Variants in CCDC178 observed in about 807,000 individuals in gnomAD.
CCDC178 encodes the protein coiled-coil domain containing 178.
A neutral mutation model predicts 117.4 loss-of-function variants in CCDC178; 126 were observed. That is an observed-to-expected ratio of 1.07 (90% CI 0.93 to 1.24). CCDC178 has a LOEUF of 1.24. CCDC178 is among the 50% of genes most tolerant of loss of function. The pLI is 0.00. For missense variants in CCDC178, 1,030 were observed against 986.9 expected, an observed-to-expected ratio of 1.04 and a Z score of -0.59; for synonymous variants, 283 against 313.4, an observed-to-expected ratio of 0.90 and a Z score of 1.02.
intron 18 of CCDC178, among the ~76,000 whole-genome samples, chr18:33,222,664 G>T (rs271426): frequency 0.16 from 24,428 of 151,852 alleles, 2,736 homozygotes; most frequent in African/African-American, 0.32. Context: ...GAATTTTGGG[G>T]GAACACAAAC....
chr18:32,989,880 A>G (rs2055351914), intron 21 of CCDC178, among the ~76,000 whole-genome samples: 1 of 152,164 alleles, frequency 6.6e-6, no homozygotes, highest in Admixed American at 6.5e-5. Flanking sequence ...TTATTCATAT[A>G]GATAATACAA....
At chr18:33,056,481 C>G (rs2056831868) in intron 21 of CCDC178, among the ~76,000 whole-genome samples, 1 of 152,068 alleles carries the variant, frequency 6.6e-6, no homozygotes, top group South Asian at 2.1e-4. Context: ...CATAAAATCA[C>G]CCCTATTAAA....
At chr18:33,260,550 T>C (rs1476609188) in intron 14 of CCDC178, among the ~76,000 whole-genome samples, 1 of 151,836 alleles carries the variant, frequency 6.6e-6, no homozygotes, top group Admixed American at 6.6e-5. Flanking sequence ...CTATAACAAA[T>C]ATATTTTATC....
Position 33,226,825 on chromosome 18 carries a change from G to T in CCDC178, c.1624C>A (p.Gln542Lys). ...ACCATTCCAGCAGCCACTTCACCTT[G>T]AGTGAGTTTTTTCAGGAATTCTTCT... ...GREEFLKKLT[Q>K]GEVAAGMVLQ... The change falls in exon 16 of 23, where the codon CAA becomes AAA. Residue 542 changes from glutamine (Q) to lysine (K), a missense_variant. Transcript: ENST00000383096. The T allele has an allele frequency of 6.2e-7, 1 of 1,600,946 alleles. No homozygotes were observed. Among genetic ancestry groups the T allele is most frequent in the Non-Finnish European group, 8.5e-7 (1 of 1,172,166 alleles).
At chr18:33,139,741 G>A (rs2058175054) in intron 20 of CCDC178, among the ~76,000 whole-genome samples, 1 of 152,176 alleles carries the variant, frequency 6.6e-6, no homozygotes. Context: ...AAAAGTTGCA[G>A]CCTCACGATG....
At chr18:33,339,214 T>C (rs760039878) in intron 9 of CCDC178, among the ~76,000 whole-genome samples, 3 of 152,012 alleles carry the variant, frequency 2.0e-5, no homozygotes, top group Non-Finnish European at 4.4e-5. Flanking sequence ...GTTTAAATTA[T>C]TCCCAAAGCA....
rs181105370 is a variant in CCDC178, at chr18:33,038,151, C to T, written c.2388+54610G>A. ...TATTACCAGAGCAAACTACTATAGA[C>T]ATTTTGTTTCTAAAAGTTTGAATTT... On this transcript the variant is annotated intron_variant, in intron 21 of 22. Coordinates refer to ENST00000383096, the MANE Select transcript of CCDC178 (RefSeq NM_001105528.4). 2.4e-3 allele frequency among the ~76,000 whole-genome samples: 361 copies of T among 151,950 alleles called. 3 individuals are homozygous for T. Among genetic ancestry groups the T allele is most frequent in the Middle Eastern group, 0.014 (4 of 294 alleles).
chr18:33,285,583 T>C (rs750812388), intron 12 of CCDC178, among the ~76,000 whole-genome samples: 1 of 152,050 alleles, frequency 6.6e-6, no homozygotes, highest in African/African-American at 2.4e-5. Flanking sequence ...AATAAAATCC[T>C]TGCAAATCAA....
chr18:33,220,522 G>T (rs1191411397), intron 18 of CCDC178, among the ~76,000 whole-genome samples: 1 of 151,970 alleles, frequency 6.6e-6, no homozygotes, highest in Non-Finnish European at 1.5e-5. Flanking sequence ...GTAGGTATTG[G>T]CATGCATGAG....
At chr18:33,351,744 GT>G (rs1393231894) in intron 7 of CCDC178, among the ~76,000 whole-genome samples, 1 of 151,944 alleles carries the variant, frequency 6.6e-6, no homozygotes, top group African/African-American at 2.4e-5. Flanking sequence ...GTAGAGATGG[GT>G]TTTGATTATG....
chr18:33,305,594 C>T (rs189484972), intron 11 of CCDC178, among the ~76,000 whole-genome samples: 21 of 152,240 alleles, frequency 1.4e-4, no homozygotes, highest in Admixed American at 1.1e-3. Flanking sequence ...CCTGCCAGTA[C>T]GTCTTTTGTG....
At chr18:33,320,109 A>AGAG (rs2062484425) in intron 11 of CCDC178, among the ~76,000 whole-genome samples, 1 of 152,228 alleles carries the variant, frequency 6.6e-6, no homozygotes, top group East Asian at 1.9e-4. Flanking sequence ...AATAAGAGCT[A>AGAG]TTTATGACAA....
intron 21 of CCDC178, among the ~76,000 whole-genome samples, chr18:33,012,245 G>T (rs1377375806): frequency 6.6e-6 from 1 of 152,070 alleles, no homozygotes; most frequent in Non-Finnish European, 1.5e-5. Flanking sequence ...TTTAGCACAG[G>T]CTTTTGCATG....
At chr18:32,973,730 A>C (rs988538262) in intron 22 of CCDC178, among the ~76,000 whole-genome samples, 11 of 152,084 alleles carry the variant, frequency 7.2e-5, no homozygotes, top group Non-Finnish European at 1.3e-4. Flanking sequence ...GTTTAGAAAA[A>C]GATTTGGTTT....
At chr18:33,116,640 G>T (rs1388772562) in intron 20 of CCDC178, among the ~76,000 whole-genome samples, 1 of 151,980 alleles carries the variant, frequency 6.6e-6, no homozygotes, top group Non-Finnish European at 1.5e-5. Context: ...TATGACTGAG[G>T]TTCCTGTTTT....
At chr18:33,054,241 C>T (rs2056791020) in intron 21 of CCDC178, among the ~76,000 whole-genome samples, 1 of 152,114 alleles carries the variant, frequency 6.6e-6, no homozygotes, top group African/African-American at 2.4e-5. Context: ...ATAAATATGA[C>T]AGTCATTACA....
At chr18:33,338,902 T>G (rs1199750171) in intron 9 of CCDC178, among the ~76,000 whole-genome samples, 1 of 152,040 alleles carries the variant, frequency 6.6e-6, no homozygotes, top group Non-Finnish European at 1.5e-5. Context: ...AATAAATAAA[T>G]AAAATTTCCT....
intron 20 of CCDC178, among the ~76,000 whole-genome samples, chr18:33,139,727 T>A (rs111805934): frequency 6.6e-6 from 1 of 152,120 alleles, no homozygotes; most frequent in African/African-American, 2.4e-5. Flanking sequence ...GCATAACAGT[T>A]TGGAAAAGTT....
chr18:33,271,221 G>A (rs1223745631), intron 12 of CCDC178, among the ~76,000 whole-genome samples: 1 of 151,168 alleles, frequency 6.6e-6, no homozygotes, highest in African/African-American at 2.4e-5. Flanking sequence ...GTAGCAGAAT[G>A]GCAAATACAA....
Sources: gnomAD v4.1 joint callset for allele counts (sites outside exome capture counted in the v4.1 genomes callset) on GRCh38, gnomAD v4.1.1 for gene constraint, MANE v1.5 for transcripts, NCBI Gene and HGNC (gene_info 2026-07-23, HGNC 2026-07-21) for gene names.